Variants in RIMS2 observed in about 807,000 individuals in gnomAD.
RIMS2 encodes regulating synaptic membrane exocytosis 2.
RIMS2 carries 59 observed loss-of-function variants against 174.4 expected under a neutral mutation model. The ratio of observed to expected loss-of-function variants is 0.34; its 90% CI spans 0.27 to 0.42. The LOEUF is 0.42. Ranked by LOEUF, RIMS2 falls within the 10% of genes least tolerant of loss-of-function variation. The pLI is 1.00. For missense variants in RIMS2, 1,620 were observed against 1,666.3 expected (o/e 0.97, Z 0.48); for synonymous variants, 606 against 572.5 (o/e 1.06, Z -0.84).
At chr8:103,503,166 A>G (rs1445809882) in intron 1 of RIMS2, among the ~76,000 whole-genome samples, 1 of 151,984 alleles carries the variant, frequency 6.6e-6, no homozygotes, top group Non-Finnish European at 1.5e-5. Context: ...TACCTAACTT[A>G]GTCTTAGAAA....
chr8:103,555,377 A>AT (rs1400894710), intron 1 of RIMS2, among the ~76,000 whole-genome samples: 2 of 152,318 alleles, frequency 1.3e-5, no homozygotes, highest in African/African-American at 4.8e-5. Flanking sequence ...TGTTTTGGAA[A>AT]TTATGTTGAG....
At chr8:103,614,247 G>A (rs904944547) in intron 1 of RIMS2, among the ~76,000 whole-genome samples, 7 of 152,240 alleles carry the variant, frequency 4.6e-5, no homozygotes, top group Non-Finnish European at 8.8e-5. Context: ...GGCCAGGTCT[G>A]GTCCGTTTGC....
intron 1 of RIMS2, among the ~76,000 whole-genome samples, chr8:103,668,592 G>A (rs2096704900): frequency 1.3e-5 from 2 of 152,062 alleles, no homozygotes; most frequent in Non-Finnish European, 2.9e-5. Context: ...GTGTGTGCAT[G>A]CATGTGTGTA....
chr8:103,555,164 T>C (rs1214026989), intron 1 of RIMS2, among the ~76,000 whole-genome samples: 1 of 152,036 alleles, frequency 6.6e-6, no homozygotes, highest in South Asian at 2.1e-4. Context: ...AACCTGCACA[T>C]GTACCCCTGA....
chr8:103,968,061 A>G lies in RIMS2; in HGVS notation c.2770+6928A>G, dbSNP rs546905415. ...TTTTTAGTAGAGACAAGGTTTCACC[A>G]TGTTGGCCAGGCTGGTCTCAAACTC... On this transcript the variant is annotated intron_variant, in intron 15 of 23. Transcript: ENST00000504942. Among the ~76,000 whole-genome samples the G allele has an allele frequency of 1.4e-4, 21 of 152,074 alleles. 1 individual carries two copies. The South Asian group carries it at 4.4e-3, about 32-fold the overall frequency.
intron 19 of RIMS2, among the ~76,000 whole-genome samples, chr8:104,170,377 TATA>T (rs1563516517): frequency 6.6e-6 from 1 of 152,108 alleles, no homozygotes; most frequent in Admixed American, 6.5e-5. Context: ...AATTTAGGAT[TATA>T]ATATCTTCCT....
At chr8:103,824,478 T>C (rs1402020312) in intron 3 of RIMS2, among the ~76,000 whole-genome samples, 1 of 152,158 alleles carries the variant, frequency 6.6e-6, no homozygotes, top group Non-Finnish European at 1.5e-5. Flanking sequence ...TGAGAAATTG[T>C]AAGTATTTTA....
intron 19 of RIMS2, among the ~76,000 whole-genome samples, chr8:104,128,784 T>C (rs766003743): frequency 6.6e-6 from 1 of 152,206 alleles, no homozygotes; most frequent in Non-Finnish European, 1.5e-5. Context: ...CCCATTTCAT[T>C]AAATTTTTGT....
At chr8:104,044,109 A>T (rs182274402) in intron 19 of RIMS2, among the ~76,000 whole-genome samples, 2 of 151,736 alleles carry the variant, frequency 1.3e-5, no homozygotes, top group East Asian at 3.9e-4. Flanking sequence ...TTGAAGGGTC[A>T]ACATTCCATT....
At chr8:104,222,193 C>T (rs988217571) in intron 19 of RIMS2, among the ~76,000 whole-genome samples, 4 of 152,258 alleles carry the variant, frequency 2.6e-5, no homozygotes, top group South Asian at 2.1e-4. Flanking sequence ...ACTGATTTGT[C>T]GTGTCTCTCC....
At chr8:103,844,586 A>C (rs1371178139) in intron 3 of RIMS2, among the ~76,000 whole-genome samples, 2 of 152,176 alleles carry the variant, frequency 1.3e-5, no homozygotes, top group African/African-American at 4.8e-5. Context: ...TGATAATGCC[A>C]TTGGCTCTGA....
Position 104,187,465 on chromosome 8 carries a change from T to C in RIMS2, c.3335-57451T>C, listed in dbSNP as rs527524402. The stretch of plus-strand genomic sequence containing the variant: ...AAAATAGGCTTAGAAAATAAATCTG[T>C]AGGTGAAACTGACACATTTCAAAGC... On this transcript the variant is annotated intron_variant, in intron 19 of 23. Coordinates refer to ENST00000504942, the Ensembl canonical transcript of RIMS2. 1.3e-3 allele frequency among the ~76,000 whole-genome samples: 200 copies of C among 151,950 alleles called. 1 individual carries two copies. The highest frequency in any genetic ancestry group is 4.2e-3 in the African/African-American group (176 of 41,532).
intron 1 of RIMS2, among the ~76,000 whole-genome samples, chr8:103,666,703 G>A (rs2096673775): frequency 6.6e-6 from 1 of 152,054 alleles, no homozygotes; most frequent in South Asian, 2.1e-4. Context: ...ATTTGATCTG[G>A]TCTGGTCTGT....
intron 1 of RIMS2, among the ~76,000 whole-genome samples, chr8:103,618,258 A>G (rs1161026480): frequency 2.6e-5 from 4 of 152,120 alleles, no homozygotes; most frequent in Non-Finnish European, 4.4e-5. Flanking sequence ...CACTTATAAG[A>G]GAAAGCTAAA....
At chr8:104,238,275 A>G (rs1419857475) in intron 19 of RIMS2, among the ~76,000 whole-genome samples, 1 of 152,096 alleles carries the variant, frequency 6.6e-6, no homozygotes, top group Non-Finnish European at 1.5e-5. Flanking sequence ...AGGGAGGGGA[A>G]CATCACACAC....
At chr8:103,674,797 T>G (rs1564244684) in intron 1 of RIMS2, among the ~76,000 whole-genome samples, 1 of 152,176 alleles carries the variant, frequency 6.6e-6, no homozygotes, top group Non-Finnish European at 1.5e-5. Context: ...TTATGATTTT[T>G]AGAATTATGT....
At chr8:103,683,083 T>C (rs1021015139) in intron 1 of RIMS2, among the ~76,000 whole-genome samples, 4 of 152,210 alleles carry the variant, frequency 2.6e-5, no homozygotes, top group African/African-American at 9.6e-5. Context: ...GATTTTTAGT[T>C]TCTGTTCCAG....
In RIMS2 at chr8:103,598,767, G is replaced by C. The variant is rs1281831860; in HGVS notation, c.176+97705G>C. Among the ~76,000 whole-genome samples the C allele has an allele frequency of 2.6e-5, 4 of 152,254 alleles. 1 individual carries two copies. The highest frequency in any genetic ancestry group is 2.6e-4 in the Admixed American group (4 of 15,288). On this transcript the variant is annotated intron_variant, in intron 1 of 23. Coordinates refer to ENST00000504942, the Ensembl canonical transcript of RIMS2. ...TCCATAGTTTAAAGTACAGAATTCT[G>C]AGGTTTCAACAAATACTTGTTCCAA... is the stretch of plus-strand genomic sequence containing the variant.
chr8:104,032,702 TA>T (rs2154556461), intron 19 of RIMS2, among the ~76,000 whole-genome samples: 1 of 152,168 alleles, frequency 6.6e-6, no homozygotes, highest in Non-Finnish European at 1.5e-5. Context: ...ATATTATAAT[TA>T]AAAATAGTTG....
Sources: gnomAD v4.1 joint callset for allele counts (sites outside exome capture counted in the v4.1 genomes callset) on GRCh38, gnomAD v4.1.1 for gene constraint, MANE v1.5 for transcripts, NCBI Gene and HGNC (gene_info 2026-07-23, HGNC 2026-07-21) for gene names.